The following RFC5 variants were observed in gnomAD, a reference collection of about 807,000 sequenced individuals.
RFC5 encodes replication factor C subunit 5.
RFC5 carries 26 observed loss-of-function variants against 44.3 expected under a neutral mutation model. That is an observed-to-expected ratio of 0.59 (90% CI 0.43 to 0.81). The LOEUF is 0.81. Ranked by LOEUF, RFC5 falls within the 40% of genes least tolerant of loss-of-function variation. The pLI, the probability that RFC5 is intolerant of heterozygous loss-of-function variation, is 0.00. For missense variants in RFC5, 328 were observed against 418.6 expected (o/e 0.78, Z 1.89); for synonymous variants, 155 against 155.2 (o/e 1.00, Z 0.01).
intron 8 of RFC5, 83 bp from the exon 9 acceptor site, chr12:118,027,870 T>C: frequency 1.2e-6 from 1 of 827,062 alleles, no homozygotes. Flanking sequence ...CTTTAAAAAG[T>C]CTCTTGCCCG....
In RFC5 at chr12:118,022,301, A is replaced by T. The variant is rs1426709865; in HGVS notation, c.363A>T (p.Leu121=). The T allele has an allele frequency of 1.9e-6, 3 of 1,613,646 alleles. No homozygotes were observed. The Admixed American group carries it at 5.0e-5, about 27-fold the overall frequency. Residue 121 remains leucine (L), a synonymous_variant, in exon 5 of 11, where the codon CTA becomes CTT. Coordinates refer to ENST00000454402, the MANE Select transcript of RFC5 (RefSeq NM_007370.7). ...GTTTTTCTAGGAAAGGCTTTAAGCT[A>T]GTGATCTTGGATGAAGCAGACGCCA... The part of the protein sequence containing the change: ...TRTIFKKGFK[L]VILDEADAMT...
the RFC5 span, chr12:118,038,179 T>G: frequency 9.6e-7 from 1 of 1,041,224 alleles, no homozygotes; most frequent in Non-Finnish European, 1.4e-6. Context: ...CCAGCATGCC[T>G]TCTATTGGGG....
chr12:118,029,452 G>A (rs1317325428), intron 9 of RFC5, among the ~76,000 whole-genome samples: 1 of 152,158 alleles, frequency 6.6e-6, no homozygotes, highest in Non-Finnish European at 1.5e-5. Context: ...AATAAAAACA[G>A]CAAGTGGGAA....
At chr12:118,017,045 CG>C (rs2030135461) in intron 1 of RFC5, among the ~76,000 whole-genome samples, 153 bp downstream of exon 1, 1 of 152,154 alleles carries the variant, frequency 6.6e-6, no homozygotes, top group Non-Finnish European at 1.5e-5. Flanking sequence ...AGGTTTCCCC[CG>C]ACACCCCCCA....
chr12:118,024,957 C>A lies in RFC5; in HGVS notation c.528C>A (p.Pro176=). ...QSRCTRFRFG[P]LTPELMVPRL... is the part of the protein sequence containing the mutation. Reference sequence around the variant, plus strand: ...GCTGCACGAGGTTTCGGTTCGGTCCCCTGACTCCTGAACTCATGGTTCCCC... The same window carrying A: ...GCTGCACGAGGTTTCGGTTCGGTCCACTGACTCCTGAACTCATGGTTCCCC... Residue 176 remains proline (P), a synonymous_variant, in exon 6 of 11, where the codon CCC becomes CCA. Coordinates refer to ENST00000454402, the MANE Select transcript of RFC5 (RefSeq NM_007370.7). 1.2e-6 allele frequency: 2 copies of A among 1,614,098 alleles called. No homozygotes were observed. Among genetic ancestry groups the A allele is most frequent in the South Asian group, 2.2e-5 (2 of 91,076 alleles).
rs746659580 is a variant in RFC5 at position 118,016,800 on chromosome 12, CGGATCT to C, written c.-25_-20del. 2 of 1,597,270 alleles carry C rather than the reference CGGATCT, an allele frequency of 1.3e-6. No individual in the cohort carries two copies. The highest frequency in any genetic ancestry group is 2.2e-5 in the South Asian group (2 of 89,230). ...CGCTTGGGTGACGCGACGATCTCAG[CGGATCT>C]GGTCACCTTCGTCTCCCCGCCATGG... On this transcript the variant is annotated 5_prime_UTR_variant, in exon 1 of 11. Transcript: ENST00000454402.
chr12:118,030,567 T>A (rs2031247771), intron 10 of RFC5, among the ~76,000 whole-genome samples: 1 of 152,226 alleles, frequency 6.6e-6, no homozygotes, highest in African/African-American at 2.4e-5. Context: ...AAATAATCCT[T>A]CATTACATAA....
intron 1 of RFC5, among the ~76,000 whole-genome samples, chr12:118,018,768 C>A (rs1800300433): frequency 6.6e-6 from 1 of 152,084 alleles, no homozygotes; most frequent in South Asian, 2.1e-4. Flanking sequence ...TGCCACCATG[C>A]CCAGCTAATT....
Position 118,016,922 on chromosome 12 carries a change from C to T in RFC5, c.65+30C>T, listed in dbSNP as rs750563550. 16 of 1,590,780 alleles carry T rather than the reference C, an allele frequency of 1.0e-5. No homozygotes were observed. In the South Asian group the frequency reaches 1.8e-4, roughly 18 times the overall value. ...GAGGAGGCCGAGCGGCGGCGGTGGG[C>T]AGAGGGGGCCAGGCGGCCGCGCGGG... On this transcript the variant is annotated intron_variant, in intron 1 of 10. Coordinates refer to ENST00000454402, the MANE Select transcript of RFC5 (RefSeq NM_007370.7).
At chr12:118,017,220 C>G (rs1166540285) in intron 1 of RFC5, among the ~76,000 whole-genome samples, 1 of 152,240 alleles carries the variant, frequency 6.6e-6, no homozygotes, top group Admixed American at 6.5e-5. Flanking sequence ...CCAAAATGCC[C>G]TCTTCCCACT....
At chr12:118,022,021 G>A (rs1158181617) in intron 4 of RFC5, among the ~76,000 whole-genome samples, 1 of 152,166 alleles carries the variant, frequency 6.6e-6, no homozygotes, top group Non-Finnish European at 1.5e-5. Context: ...CAGTAGCATG[G>A]TAGGGTGCCA....
chr12:118,039,980 G>A, the RFC5 span, among the ~76,000 whole-genome samples: 14 of 151,820 alleles, frequency 9.2e-5, no homozygotes, highest in African/African-American at 2.7e-4. Context: ...TCCTGACCTC[G>A]AGTGATCCGC....
Position 118,031,338 on chromosome 12 carries a change from G to A in RFC5, c.*60G>A. 8.6e-7 allele frequency: 1 copy of A among 1,160,096 alleles called. No homozygotes were observed. 71.9% of individuals were successfully genotyped at this position (1,160,096 alleles called of 1,614,324 possible). Reference sequence around the variant, plus strand: ...AGCAGTGATGGGAGAACAGAGGACAGTTCCAGGATAAACTGCTGCCTGGGG... The same window carrying A: ...AGCAGTGATGGGAGAACAGAGGACAATTCCAGGATAAACTGCTGCCTGGGG... On this transcript the variant is annotated 3_prime_UTR_variant, in exon 11 of 11. Transcript: ENST00000454402.
chr12:118,041,126 A>C, the RFC5 span, among the ~76,000 whole-genome samples: 1 of 152,244 alleles, frequency 6.6e-6, no homozygotes, highest in East Asian at 1.9e-4. Context: ...ATGCATGTGC[A>C]CTGCCTTAGT....
At chr12:118,018,199 A>T in intron 1 of RFC5, 1 of 539,944 alleles carries the variant, frequency 1.9e-6, no homozygotes, top group Non-Finnish European at 3.3e-6. Flanking sequence ...TGGACAGAAG[A>T]GATTTTACCT....
chr12:118,022,468 T>G, intron 5 of RFC5, 109 bp downstream of exon 5: 1 of 744,020 alleles, frequency 1.3e-6, no homozygotes, highest in South Asian at 1.7e-5. Flanking sequence ...GGGGGGAGTT[T>G]TTTTTTCTTT....
In RFC5 at chr12:118,025,747, A is replaced by T. The variant is rs746989929; in HGVS notation, c.582A>T (p.Lys194Asn). The T allele has an allele frequency of 6.3e-7, 1 of 1,590,592 alleles. No individual in the cohort carries two copies. The highest frequency in any genetic ancestry group is 1.1e-5 in the South Asian group (1 of 90,510). ...PRLEHVVEEE[K>N]VDISEDGMKA... is the part of the protein sequence containing the mutation. ...AATCCCTTTTGCTTATTTCTTTCAG[A>T]GTTGATATAAGTGAAGATGGAATGA... Residue 194 changes from lysine to asparagine, a missense_variant and splice_region_variant, in exon 7 of 11, where the codon AAA becomes AAT. Lys to Asn is a moderately conservative substitution (Grantham distance 94). Coordinates refer to ENST00000454402, the MANE Select transcript of RFC5 (RefSeq NM_007370.7).
rs769546211 is a variant in RFC5 at position 118,026,884 on chromosome 12, C to T, written c.664-5C>T. The stretch of plus-strand genomic sequence containing the variant: ...GATCTCCCCTTTCCCCCTCTGTCTA[C>T]ACAGAGCACCAATATGGCCTTTGGG... On this transcript the variant is annotated splice_polypyrimidine_tract_variant and splice_region_variant and intron_variant, in intron 7 of 10. Transcript: ENST00000454402. 6 of 1,613,786 alleles carry T rather than the reference C, an allele frequency of 3.7e-6. No homozygotes were observed. The highest frequency in any genetic ancestry group is 5.1e-6 in the Non-Finnish European group (6 of 1,179,862).
intron 1 of RFC5, chr12:118,017,642 A>G (rs2030182280): frequency 9.8e-7 from 1 of 1,021,818 alleles, no homozygotes; most frequent in Non-Finnish European, 1.2e-6. Flanking sequence ...AACCCAGAAG[A>G]TTGACAGTTG....
Sources: allele counts gnomAD v4.1 joint callset (sites outside exome capture counted in the v4.1 genomes callset), GRCh38; gene constraint gnomAD v4.1.1; transcripts MANE v1.5; gene names NCBI Gene and HGNC (gene_info 2026-07-23, HGNC 2026-07-21).